Variants in PPP1R16B observed in about 807,000 individuals in gnomAD.
PPP1R16B encodes protein phosphatase 1 regulatory inhibitor subunit 16B.
PPP1R16B carries 14 observed loss-of-function variants against 61.7 expected under a neutral mutation model. The observed-to-expected ratio is 0.23, with a 90% CI of 0.15 to 0.35. The LOEUF is 0.35. Among genes scored for constraint, PPP1R16B ranks in the 10% least tolerant of loss-of-function variants. The probability of loss-of-function intolerance (pLI) is 1.00; values close to 1 mark genes in which losing one functional copy is unlikely to be tolerated. For missense variants in PPP1R16B, 547 were observed against 752.5 expected (o/e 0.73, Z 3.19); for synonymous variants, 266 against 305.3 (o/e 0.87, Z 1.34).
intron 1 of PPP1R16B, among the ~76,000 whole-genome samples, chr20:38,826,743 T>C (rs1170006603): frequency 6.6e-6 from 1 of 152,108 alleles, no homozygotes; most frequent in Non-Finnish European, 1.5e-5. Flanking sequence ...CAGGCCAGGA[T>C]TGGGGCTCAT....
intron 2 of PPP1R16B, among the ~76,000 whole-genome samples, chr20:38,857,871 A>C (rs2145734588): frequency 6.6e-6 from 1 of 151,950 alleles, no homozygotes; most frequent in East Asian, 1.9e-4. Flanking sequence ...TGGCTTGAGA[A>C]CTTCAGTTGG....
chr20:38,848,960 A>G (rs191187649), intron 2 of PPP1R16B, among the ~76,000 whole-genome samples: 86 of 152,300 alleles, frequency 5.6e-4, no homozygotes, highest in Non-Finnish European at 1.5e-4. Flanking sequence ...CTGAACTTAA[A>G]AGTTTTTAAA....
Position 38,918,010 on chromosome 20 carries a change from C to A in PPP1R16B, c.1195-147C>A. ...TACGGAAATTCATAGATTGGGGGTT[C>A]CCCAAAGGAAAACCCTGGCCCCGAT... On this transcript the variant is annotated intron_variant, in intron 10 of 10. Transcript: ENST00000299824. The surrounding 1 kb of genome is among the most constrained non-coding windows in gnomAD (Gnocchi z 5.3). 2.7e-6 allele frequency: 3 copies of A among 1,117,164 alleles called. No individual in the cohort carries two copies. Among genetic ancestry groups the A allele is most frequent in the Non-Finnish European group, 3.8e-6 (3 of 783,912 alleles). The allele number at this position is 1,117,164 out of a possible 1,614,324, so 69.2% of individuals were successfully genotyped here.
chr20:38,813,473 G>A (rs2084714445), intron 1 of PPP1R16B, among the ~76,000 whole-genome samples: 1 of 152,180 alleles, frequency 6.6e-6, no homozygotes, highest in Non-Finnish European at 1.5e-5. Flanking sequence ...GGGAAGGTGG[G>A]AGGAAGAACT....
chr20:38,810,112 C>T (rs751873219), intron 1 of PPP1R16B, among the ~76,000 whole-genome samples: 1 of 151,742 alleles, frequency 6.6e-6, no homozygotes, highest in Non-Finnish European at 1.5e-5. Context: ...AACAGGTGGG[C>T]AAAAGTTGCT....
In PPP1R16B at chr20:38,902,850, C is replaced by G. The variant is rs572903093; in HGVS notation, c.696+58C>G. The G allele has an allele frequency of 1.1e-5, 17 of 1,610,356 alleles. No homozygotes were observed. In the East Asian group the frequency reaches 3.8e-4, roughly 36 times the overall value. ...CAGCTAGGTCCGAAGTGGGCCAGCACCTGGTGGGGACCAACCCTGTACCCT... is the reference window on the plus strand; with the variant it reads ...CAGCTAGGTCCGAAGTGGGCCAGCAGCTGGTGGGGACCAACCCTGTACCCT... On this transcript the variant is annotated intron_variant, in intron 6 of 10. Coordinates refer to ENST00000299824, the MANE Select transcript of PPP1R16B (RefSeq NM_015568.4).
At position 38,906,057 on chromosome 20, in the gene PPP1R16B, G is replaced by A. The variant is rs1319662693; in HGVS notation, c.785G>A (p.Gly262Asp). The A allele has an allele frequency of 6.2e-7, 1 of 1,613,388 alleles. No homozygotes were observed. The highest frequency in any genetic ancestry group is 8.5e-7 in the Non-Finnish European group (1 of 1,179,920). Reference sequence around the variant, plus strand: ...CGTGTGGATGTGAAGGACTGGGATGGCTGGGAGCCCCTGCATGCAGCTGCC... The same window carrying A: ...CGTGTGGATGTGAAGGACTGGGATGACTGGGAGCCCCTGCATGCAGCTGCC... The part of the protein sequence containing the change: ...GVRVDVKDWD[G>D]WEPLHAAAFW... The change falls in exon 7 of 11, where the codon GGC becomes GAC. Residue 262 changes from glycine to aspartate, a missense_variant. Gly to Asp is a moderately conservative substitution (Grantham distance 94). Transcript: ENST00000299824.
intron 2 of PPP1R16B, among the ~76,000 whole-genome samples, chr20:38,842,831 A>G (rs200231452): frequency 5.4e-5 from 1 of 18,546 alleles, no homozygotes; most frequent in African/African-American, 4.3e-4. Flanking sequence ...TCTAATTATT[A>G]AAAAAAAAAA....
chr20:38,902,088 G>A lies in PPP1R16B; in HGVS notation c.572-580G>A, dbSNP rs866067635. Among the ~76,000 whole-genome samples, 4 of 152,316 alleles carry A rather than the reference G, an allele frequency of 2.6e-5. No individual in the cohort carries two copies. The Middle Eastern group carries it at 0.014, about 518-fold the overall frequency. On this transcript the variant is annotated intron_variant, in intron 5 of 10. Coordinates refer to ENST00000299824, the MANE Select transcript of PPP1R16B (RefSeq NM_015568.4). ...CTCTCCTTAAATACTGTTTGTAGCTGTCAGTAACACACTTTTAAGACAGGA... is the reference window on the plus strand; with the variant it reads ...CTCTCCTTAAATACTGTTTGTAGCTATCAGTAACACACTTTTAAGACAGGA...
intron 1 of PPP1R16B, among the ~76,000 whole-genome samples, chr20:38,821,086 G>C (rs904095339): frequency 2.6e-5 from 4 of 151,870 alleles, no homozygotes; most frequent in East Asian, 1.9e-4. Context: ...GATTTGTAGT[G>C]GTCTTTCTCT....
At chr20:38,838,868 G>A (rs899658865) in intron 2 of PPP1R16B, among the ~76,000 whole-genome samples, 4 of 152,176 alleles carry the variant, frequency 2.6e-5, no homozygotes, top group African/African-American at 7.2e-5. Context: ...TCAGTGCCCC[G>A]CAGCCCTGCC....
chr20:38,855,835 C>T (rs911363816), intron 2 of PPP1R16B, among the ~76,000 whole-genome samples: 1 of 147,574 alleles, frequency 6.8e-6, no homozygotes, highest in Non-Finnish European at 1.5e-5. Flanking sequence ...AGACTAAAGG[C>T]CTCAAAGATA....
At chr20:38,858,270 G>C (rs2085022157) in intron 2 of PPP1R16B, among the ~76,000 whole-genome samples, 1 of 152,076 alleles carries the variant, frequency 6.6e-6, no homozygotes, top group Non-Finnish European at 1.5e-5. Context: ...CTGTGGCTGG[G>C]CAAGACAGCT....
chr20:38,823,866 C>T (rs1349411297), intron 1 of PPP1R16B, among the ~76,000 whole-genome samples: 3 of 152,228 alleles, frequency 2.0e-5, no homozygotes, highest in East Asian at 3.9e-4. Context: ...ATTTATTTTC[C>T]TTCAAGGACT....
At chr20:38,904,384 G>A (rs1332766002) in intron 6 of PPP1R16B, among the ~76,000 whole-genome samples, 2 of 152,234 alleles carry the variant, frequency 1.3e-5, no homozygotes, top group African/African-American at 2.4e-5. Flanking sequence ...AGATCATAGT[G>A]TCTTCCTCAC....
rs184200839 is a variant in PPP1R16B at position 38,846,744 on chromosome 20, T to C, written c.250+10569T>C. On this transcript the variant is annotated intron_variant, in intron 2 of 10. Coordinates refer to ENST00000299824, the MANE Select transcript of PPP1R16B (RefSeq NM_015568.4). The stretch of plus-strand genomic sequence containing the variant: ...TTGGCCGGGCGCTGTGGCTCATGCC[T>C]GTAAATCCTAGCACTTTGAGAGGCC... Among the ~76,000 whole-genome samples, 111 of 152,286 alleles carry C rather than the reference T, an allele frequency of 7.3e-4. 1 individual carries two copies. Among genetic ancestry groups the C allele is most frequent in the Middle Eastern group, 3.4e-3 (1 of 294 alleles).
chr20:38,838,147 CCCTTCCCTGGGCTTGT>C, intron 2 of PPP1R16B: 1 of 152,398 alleles, frequency 6.6e-6, no homozygotes, highest in East Asian at 1.9e-4. Flanking sequence ...AACCACAGCC[CCCTTCCCTGGGCTTGT>C]TCAGAGGCGG....
chr20:38,814,054 C>T (rs2084719577), intron 1 of PPP1R16B, among the ~76,000 whole-genome samples: 2 of 152,214 alleles, frequency 1.3e-5, no homozygotes, highest in Admixed American at 6.5e-5. Flanking sequence ...GGCTCGGCCT[C>T]CCAGGGTGTT....
chr20:38,821,086 G>T (rs904095339), intron 1 of PPP1R16B, among the ~76,000 whole-genome samples: 1 of 151,764 alleles, frequency 6.6e-6, no homozygotes, highest in African/African-American at 2.4e-5. Context: ...GATTTGTAGT[G>T]GTCTTTCTCT....
Sources: allele counts gnomAD v4.1 joint callset (sites outside exome capture counted in the v4.1 genomes callset), GRCh38; gene constraint gnomAD v4.1.1; non-coding constraint Gnocchi (gnomAD v3.1); transcripts MANE v1.5; gene names NCBI Gene and HGNC (gene_info 2026-07-23, HGNC 2026-07-21).